GNE: variants seen among roughly 807,000 people sequenced by gnomAD.
The protein encoded by GNE is bifunctional UDP-N-acetylglucosamine 2-epimerase/N-acetylmannosamine kinase.
In GNE, 41 loss-of-function variants were observed where a neutral mutation model predicts 61.8. That is an observed-to-expected ratio of 0.66 (90% CI 0.52 to 0.86). The LOEUF is 0.86. Among genes scored for constraint, GNE ranks in the 40% least tolerant of loss-of-function variants. The pLI, the probability that GNE is intolerant of heterozygous loss-of-function variation, is 0.00. For synonymous variants in GNE, 264 were observed against 326.4 expected (o/e 0.81, Z 2.06); for missense variants, 608 against 909.1 (o/e 0.67, Z 4.26).
At position 36,216,669 on chromosome 9, in the gene GNE, TTATTTATTA is replaced by T. The variant is rs1350984523; in HGVS notation, c.*687_*695del. 8.2e-6 allele frequency: 1 copy of T among 122,362 alleles called. No homozygotes were observed. Among genetic ancestry groups the T allele is most frequent in the African/African-American group, 2.9e-5 (1 of 34,398 alleles). 7.6% of individuals were successfully genotyped at this position (122,362 alleles called of 1,614,324 possible). On this transcript the variant is annotated 3_prime_UTR_variant, in exon 12 of 12. Transcript: ENST00000642385. ...ATTATTATTATTATTATTATTATTA[TTATTTATTA>T]TTATTATTTTTGAGATGGAGTCTTG...
In GNE at chr9:36,218,067, CAG is replaced by C. The variant is rs1318347624; in HGVS notation, c.1933+114_1933+115del. On this transcript the variant is annotated intron_variant, in intron 11 of 11. Transcript: ENST00000642385. The surrounding 1 kb of genome is among the most constrained non-coding windows in gnomAD (Gnocchi z 4.1). ...AGTAATTAGGAAAGAAACCTCTGAA[CAG>C]ACACTGCAAAGCACCTGTCCCTAGG... 1 of 790,900 alleles carries C rather than the reference CAG, an allele frequency of 1.3e-6. No individual in the cohort carries two copies. 49.0% of individuals were successfully genotyped at this position (790,900 alleles called of 1,614,324 possible).
chr9:36,268,807 G>GGT (rs1331722962), intron 1 of GNE, among the ~76,000 whole-genome samples: 1 of 152,096 alleles, frequency 6.6e-6, no homozygotes, highest in African/African-American at 2.4e-5. Flanking sequence ...AAACAGCCAA[G>GGT]GTACTGGTCC....
intron 2 of GNE, among the ~76,000 whole-genome samples, chr9:36,248,620 G>A (rs535394780): frequency 6.2e-4 from 94 of 151,960 alleles, no homozygotes; most frequent in African/African-American, 2.0e-3. Context: ...CACCGTGCCC[G>A]GCCCAACTTT....
At chr9:36,237,373 T>C (rs545552749) in intron 3 of GNE, among the ~76,000 whole-genome samples, 165 of 152,286 alleles carry the variant, frequency 1.1e-3, no homozygotes, top group African/African-American at 3.9e-3. Context: ...TCAGGGCATT[T>C]TGAGGCTGAA....
intron 1 of GNE, among the ~76,000 whole-genome samples, chr9:36,253,474 C>T (rs1383175203): frequency 6.6e-6 from 1 of 150,920 alleles, no homozygotes; most frequent in Non-Finnish European, 1.5e-5. Flanking sequence ...GACGGGGTTT[C>T]ACCATGTTGT....
chr9:36,230,388 C>A (rs375578281), intron 5 of GNE, among the ~76,000 whole-genome samples: 1 of 152,292 alleles, frequency 6.6e-6, no homozygotes, highest in South Asian at 2.1e-4. Context: ...GCTGGCCCTT[C>A]CCTCTTCACC....
intron 3 of GNE, among the ~76,000 whole-genome samples, chr9:36,242,077 A>G (rs1829651161): frequency 6.6e-6 from 1 of 152,082 alleles, no homozygotes; most frequent in Admixed American, 6.6e-5. Flanking sequence ...CAGAGGTTGC[A>G]GTGAGTCGAG....
At chr9:36,269,242 G>GT (rs746621211) in intron 1 of GNE, among the ~76,000 whole-genome samples, 74 of 149,706 alleles carry the variant, frequency 4.9e-4, no homozygotes, top group Non-Finnish European at 7.7e-4. Flanking sequence ...CAAATTATTT[G>GT]TTTTTTGTCC....
At chr9:36,222,326 G>A (rs1828627630) in intron 9 of GNE, among the ~76,000 whole-genome samples, 2 of 151,040 alleles carry the variant, frequency 1.3e-5, no homozygotes, top group Admixed American at 1.3e-4. Context: ...GGCTGAGGCA[G>A]GAGAATGGCG....
At chr9:36,257,285 A>T (rs1830395612) in intron 1 of GNE, among the ~76,000 whole-genome samples, 2 of 152,146 alleles carry the variant, frequency 1.3e-5, no homozygotes, top group African/African-American at 4.8e-5. Context: ...TCGCCCTTTC[A>T]TCAGTGCAAT....
rs1563938239 is a variant in GNE, at chr9:36,233,912, G to A, written c.982+8C>T. The A allele has an allele frequency of 6.2e-7, 1 of 1,605,412 alleles. No homozygotes were observed. Among genetic ancestry groups the A allele is most frequent in the South Asian group, 1.1e-5 (1 of 90,920 alleles). On this transcript the variant is annotated splice_region_variant and intron_variant, in intron 5 of 11. Coordinates refer to ENST00000642385, the MANE Select transcript of GNE (RefSeq NM_005476.7). ...CTAGTCAGTTGAAGTATGAGCAAAG[G>A]TAAATACCTGTTTCTCTTCCAATCT...
upstream of GNE, among the ~76,000 whole-genome samples, chr9:36,259,968 T>A (rs1830550605): frequency 6.6e-6 from 1 of 152,130 alleles, no homozygotes; most frequent in South Asian, 2.1e-4. Context: ...GGCCCAGATT[T>A]CTTTTTTAAA....
Position 36,218,160 on chromosome 9 carries a change from G to A in GNE, c.1933+23C>T. 1 of 1,513,742 alleles carries A rather than the reference G, an allele frequency of 6.6e-7. No homozygotes were observed. Among genetic ancestry groups the A allele is most frequent in the African/African-American group, 1.4e-5 (1 of 73,114 alleles). 93.8% of individuals were successfully genotyped at this position (1,513,742 alleles called of 1,614,324 possible). A position where few individuals can be genotyped will look rare whatever the true frequency, so the allele number is the denominator to read the frequency against. ...ATCTGAGGCCACCCCCTGCAGCACA[G>A]CCACCTGCAGCCACATGCTCACCTG... On this transcript the variant is annotated intron_variant, in intron 11 of 11. Coordinates refer to ENST00000642385, the MANE Select transcript of GNE (RefSeq NM_005476.7). This position sits in a 1 kb window ranked among gnomAD's most constrained non-coding sequence, Gnocchi z 4.1.
chr9:36,260,900 A>C (rs1163370392), upstream of GNE, among the ~76,000 whole-genome samples: 3 of 146,188 alleles, frequency 2.1e-5, no homozygotes, highest in East Asian at 2.0e-4. Context: ...AAAAAAAAAA[A>C]CCCACAAATG....
chr9:36,274,671 T>C (rs1443276166), intron 1 of GNE, among the ~76,000 whole-genome samples: 1 of 152,160 alleles, frequency 6.6e-6, no homozygotes, highest in Non-Finnish European at 1.5e-5. Context: ...TTATATCTCA[T>C]TTTAGTGTAT....
In GNE at chr9:36,254,901, G is replaced by A. The variant is rs186697037; in HGVS notation, c.-43+3420C>T. Among the ~76,000 whole-genome samples the A allele has an allele frequency of 5.2e-3, 784 of 151,210 alleles. 1 individual carries two copies. Among genetic ancestry groups the A allele is most frequent in the Non-Finnish European group, 9.2e-3 (621 of 67,730 alleles). ...CGGGAGGCGGAGGTTGCAGTGAGCC[G>A]AGATCCTGCCACTGCACTCCAGCCT... On this transcript the variant is annotated intron_variant, in intron 1 of 11. Transcript: ENST00000642385.
intron 7 of GNE, 88 bp from the exon 8 acceptor site, chr9:36,223,590 A>G (rs1320115142): frequency 3.6e-5 from 49 of 1,356,504 alleles, no homozygotes; most frequent in Non-Finnish European, 4.8e-5. Context: ...GACAAATTAG[A>G]CACTGCTATA....
At position 36,246,283 on chromosome 9, in the gene GNE, A is replaced by G; in HGVS notation, c.364T>C (p.Ser122Pro). The G allele has an allele frequency of 2.5e-6, 4 of 1,614,188 alleles. No individual in the cohort carries two copies. Among genetic ancestry groups the G allele is most frequent in the Non-Finnish European group, 3.4e-6 (4 of 1,180,014 alleles). ...DRFDALALAT[S>P]AALMNIRILH... ...ATTCGGATGTTCATCAAGGCAGCAG[A>G]TGTGGCCAGAGCCAGGGCATCAAAC... The change falls in exon 3 of 12, where the codon TCT becomes CCT. Residue 122 changes from serine (S) to proline (P), a missense_variant. Coordinates refer to ENST00000642385, the MANE Select transcript of GNE (RefSeq NM_005476.7).
chr9:36,241,769 G>A (rs2133094877), intron 3 of GNE, among the ~76,000 whole-genome samples: 1 of 152,164 alleles, frequency 6.6e-6, no homozygotes, highest in Non-Finnish European at 1.5e-5. Context: ...TTAACACTCT[G>A]GTTACAAAGC....
Sources: gnomAD v4.1 joint callset for allele counts (sites outside exome capture counted in the v4.1 genomes callset) on GRCh38, gnomAD v4.1.1 for gene constraint, Gnocchi (gnomAD v3.1) non-coding constraint, MANE v1.5 for transcripts, NCBI Gene and HGNC (gene_info 2026-07-23, HGNC 2026-07-21) for gene names.